Variants in CDH7 observed in about 807,000 individuals in gnomAD.
CDH7 encodes the protein cadherin 7, also known as cadherin-7.
CDH7 carries 25 observed loss-of-function variants against 71.8 expected under a neutral mutation model. That is an observed-to-expected ratio of 0.35 (90% CI 0.25 to 0.49). The LOEUF (loss-of-function observed/expected upper bound fraction) is 0.49. CDH7 is among the 20% of genes least tolerant of loss of function. The pLI is 0.99. For missense variants in CDH7, 862 were observed against 974.6 expected (o/e 0.88, Z 1.54); for synonymous variants, 381 against 363.8 (o/e 1.05, Z -0.54).
chr18:65,768,951 C>G (rs1166628836), intron 2 of CDH7, among the ~76,000 whole-genome samples: 1 of 149,576 alleles, frequency 6.7e-6, no homozygotes, highest in Non-Finnish European at 1.5e-5. Flanking sequence ...TTTTTTTTTT[C>G]AAATATTTAT....
intron 2 of CDH7, among the ~76,000 whole-genome samples, chr18:65,778,271 CAA>C (rs148841669): frequency 0.019 from 1,577 of 83,574 alleles, 7 homozygotes; most frequent in African/African-American, 0.04. Context: ...GACTCTGTCT[CAA>C]AAAAAAAAAA....
chr18:65,884,294 G>C lies in CDH7; in HGVS notation c.*3400G>C, dbSNP rs1914311941. 6.6e-6 allele frequency: 1 copy of C among 152,088 alleles called. No individual in the cohort carries two copies. The highest frequency in any genetic ancestry group is 1.5e-5 in the Non-Finnish European group (1 of 67,986). The allele number at this position is 152,088 out of a possible 1,614,324, so 9.4% of individuals were successfully genotyped here. A position where few individuals can be genotyped will look rare whatever the true frequency, so the allele number is the denominator to read the frequency against. On this transcript the variant is annotated 3_prime_UTR_variant, in exon 12 of 12. Transcript: ENST00000397968. The stretch of plus-strand genomic sequence containing the variant: ...CCAGCTAAGGAACAAAATCAGGAAA[G>C]AGACATCAATAAAAAATTAGGTAGT...
intron 1 of CDH7, among the ~76,000 whole-genome samples, chr18:65,759,627 T>C (rs1310793738): frequency 6.6e-6 from 1 of 152,178 alleles, no homozygotes; most frequent in East Asian, 1.9e-4. Flanking sequence ...TTTTATATAA[T>C]TGTCAAAAAG....
chr18:65,780,953 G>T (rs1225775609), intron 2 of CDH7, among the ~76,000 whole-genome samples: 2 of 147,598 alleles, frequency 1.4e-5, no homozygotes, highest in African/African-American at 2.5e-5. Context: ...AAAATAGGAG[G>T]ATTTTTCTGT....
intron 11 of CDH7, among the ~76,000 whole-genome samples, chr18:65,874,375 A>G (rs900295965): frequency 5.9e-5 from 9 of 152,086 alleles, no homozygotes; most frequent in Non-Finnish European, 1.2e-4. Flanking sequence ...AAATATGTTA[A>G]AAAAAATTAG....
chr18:65,865,670 A>G (rs574632764), intron 11 of CDH7: 1 of 152,106 alleles, frequency 6.6e-6, no homozygotes, highest in South Asian at 2.1e-4. Flanking sequence ...CCAAGTTTTT[A>G]AAAGCAGATA....
At chr18:65,834,982 G>A (rs2143968179) in intron 6 of CDH7, among the ~76,000 whole-genome samples, 1 of 152,226 alleles carries the variant, frequency 6.6e-6, no homozygotes, top group East Asian at 1.9e-4. Flanking sequence ...AATTTGGCCT[G>A]GGCTCAGTAG....
chr18:65,864,889 T>TAAA lies in CDH7; in HGVS notation c.1864+1995_1864+1997dup, dbSNP rs1191269381. On this transcript the variant is annotated intron_variant, in intron 11 of 11. Coordinates refer to ENST00000397968, the MANE Select transcript of CDH7 (RefSeq NM_004361.5). ...CTGGATGACAGAGCGAGACTCCATC[T>TAAA]AAAAAAAAAAAAAAAAAAAAAAAAA... 5.6e-3 allele frequency among the ~76,000 whole-genome samples: 485 copies of TAAA among 85,898 alleles called. 9 individuals are homozygous for TAAA. The highest frequency in any genetic ancestry group is 0.021 in the African/African-American group (463 of 21,716). The allele number at this position is 85,898 out of a possible 152,430, so 56.4% of individuals were successfully genotyped here. A position where few individuals can be genotyped will look rare whatever the true frequency, so the allele number is the denominator to read the frequency against.
intron 7 of CDH7, among the ~76,000 whole-genome samples, chr18:65,847,002 A>G (rs546518849): frequency 7.2e-6 from 1 of 139,574 alleles, no homozygotes; most frequent in South Asian, 2.6e-4. Flanking sequence ...AACCATATTG[A>G]CAATCTATAT....
intron 11 of CDH7, chr18:65,863,810 T>G (rs574126812): frequency 1.3e-5 from 2 of 152,222 alleles, no homozygotes; most frequent in Non-Finnish European, 2.9e-5. Flanking sequence ...GTAACTCAGA[T>G]TTTGCAGCAT....
At chr18:65,850,534 C>G (rs914503477) in intron 7 of CDH7, among the ~76,000 whole-genome samples, 37 of 151,608 alleles carry the variant, frequency 2.4e-4, no homozygotes, top group African/African-American at 9.0e-4. Flanking sequence ...TCAGCTGCAA[C>G]TCTTCTTGCA....
intron 7 of CDH7, among the ~76,000 whole-genome samples, chr18:65,844,741 T>C (rs1366621452): frequency 2.6e-5 from 4 of 152,118 alleles, no homozygotes; most frequent in Non-Finnish European, 4.4e-5. Context: ...TTTGTGTGTA[T>C]GCATGTGTTT....
At chr18:65,793,947 T>C (rs1192414522) in intron 2 of CDH7, among the ~76,000 whole-genome samples, 1 of 152,124 alleles carries the variant, frequency 6.6e-6, no homozygotes, top group African/African-American at 2.4e-5. Flanking sequence ...ATGCATTTGA[T>C]TGTAGGAAAG....
chr18:65,804,025 C>T (rs117368868), intron 2 of CDH7, among the ~76,000 whole-genome samples: 3,867 of 152,130 alleles, frequency 0.025, 71 homozygotes, highest in Non-Finnish European at 0.041. Flanking sequence ...TATTGTCATC[C>T]TTATTGTCAA....
chr18:65,788,528 A>G (rs1007225893), intron 2 of CDH7, among the ~76,000 whole-genome samples: 5 of 152,194 alleles, frequency 3.3e-5, no homozygotes, highest in Admixed American at 1.3e-4. Flanking sequence ...TAGCGCGAGC[A>G]GGTATGTTTA....
At chr18:65,800,063 C>G (rs943811692) in intron 2 of CDH7, among the ~76,000 whole-genome samples, 1 of 152,020 alleles carries the variant, frequency 6.6e-6, no homozygotes, top group Non-Finnish European at 1.5e-5. Context: ...TGTAACAACT[C>G]TAGAAGACAT....
At chr18:65,824,548 G>C (rs1022226665) in intron 5 of CDH7, 96 bp from the exon 6 acceptor site, 8 of 689,932 alleles carry the variant, frequency 1.2e-5, no homozygotes, top group African/African-American at 1.9e-5. Flanking sequence ...AAAATAAAAA[G>C]AAGTTGTGCT....
At chr18:65,849,204 A>C (rs1913042627) in intron 7 of CDH7, among the ~76,000 whole-genome samples, 2 of 152,092 alleles carry the variant, frequency 1.3e-5, no homozygotes, top group Non-Finnish European at 1.5e-5. Flanking sequence ...ACCACTAAAA[A>C]TGAAAAAAAG....
intron 2 of CDH7, among the ~76,000 whole-genome samples, chr18:65,767,770 G>T (rs1383564789): frequency 6.6e-6 from 1 of 152,184 alleles, no homozygotes; most frequent in African/African-American, 2.4e-5. Context: ...AATAAGTTCA[G>T]ATTTTTAGAA....
Sources: allele counts gnomAD v4.1 joint callset (sites outside exome capture counted in the v4.1 genomes callset), GRCh38; gene constraint gnomAD v4.1.1; transcripts MANE v1.5; gene names NCBI Gene and HGNC (gene_info 2026-07-23, HGNC 2026-07-21).